The following HPSE2 variants were observed in gnomAD, a reference collection of about 807,000 sequenced individuals.
HPSE2 encodes inactive heparanase-2.
A neutral mutation model predicts 60.5 loss-of-function variants in HPSE2; 38 were observed. That is an observed-to-expected ratio of 0.63 (90% CI 0.48 to 0.82). The LOEUF (loss-of-function observed/expected upper bound fraction) is 0.82. Among genes scored for constraint, HPSE2 ranks in the 40% least tolerant of loss-of-function variants. The pLI is 0.00. For missense variants in HPSE2, 713 were observed against 740.4 expected (o/e 0.96, Z 0.43); for synonymous variants, 295 against 293.2 (o/e 1.01, Z -0.06).
At chr10:99,092,931 T>C (rs1001865642) in intron 3 of HPSE2, among the ~76,000 whole-genome samples, 1 of 152,168 alleles carries the variant, frequency 6.6e-6, no homozygotes, top group Non-Finnish European at 1.5e-5. Flanking sequence ...ATAAGGACAT[T>C]TCTTATAAAG....
chr10:99,231,804 G>C (rs1849653797), intron 2 of HPSE2, among the ~76,000 whole-genome samples: 1 of 152,134 alleles, frequency 6.6e-6, no homozygotes, highest in Admixed American at 6.5e-5. Flanking sequence ...GATTATTCCA[G>C]AAAACTTTAG....
chr10:98,492,488 C>T lies in HPSE2; in HGVS notation c.1321-2292G>A, dbSNP rs1941686442. Reference sequence around the variant, plus strand: ...CTGCACTCCAGCCTGGGCAACAGAACGAGATTCCGTCTCAAAAAAGACAAA... The same window carrying T: ...CTGCACTCCAGCCTGGGCAACAGAATGAGATTCCGTCTCAAAAAAGACAAA... On this transcript the variant is annotated intron_variant, in intron 9 of 11. Coordinates refer to ENST00000370552, the MANE Select transcript of HPSE2 (RefSeq NM_021828.5). 4.0e-5 allele frequency among the ~76,000 whole-genome samples: 5 copies of T among 124,748 alleles called. No homozygotes were observed. In the South Asian group the frequency reaches 7.4e-4, roughly 18 times the overall value. 81.8% of individuals were successfully genotyped at this position (124,748 alleles called of 152,430 possible). A position where few individuals can be genotyped will look rare whatever the true frequency, so the allele number is the denominator to read the frequency against.
chr10:99,055,009 G>A (rs1001156832), intron 3 of HPSE2, among the ~76,000 whole-genome samples: 2 of 151,944 alleles, frequency 1.3e-5, no homozygotes, highest in African/African-American at 4.8e-5. Flanking sequence ...ACTGTGCCCG[G>A]CCTACTCTAC....
intron 6 of HPSE2, among the ~76,000 whole-genome samples, chr10:98,670,542 CATATTGTTTT>C (rs1452297445): frequency 6.6e-6 from 1 of 152,162 alleles, no homozygotes; most frequent in Non-Finnish European, 1.5e-5. Flanking sequence ...GAGACCCTCT[CATATTGTTTT>C]ATATTGTTTT....
chr10:99,101,196 A>G, intron 3 of HPSE2, among the ~76,000 whole-genome samples: 1 of 152,210 alleles, frequency 6.6e-6, no homozygotes, highest in Non-Finnish European at 1.5e-5. Context: ...AGACTGGCAA[A>G]CTGTATAAAG....
intron 2 of HPSE2, among the ~76,000 whole-genome samples, chr10:99,196,337 C>A (rs1436036105): frequency 6.6e-6 from 1 of 151,822 alleles, no homozygotes; most frequent in Non-Finnish European, 1.5e-5. Flanking sequence ...CACAGGTAAC[C>A]AAAGTGAAAA....
chr10:99,057,907 T>C (rs1958150573), intron 3 of HPSE2, among the ~76,000 whole-genome samples: 1 of 22,922 alleles, frequency 4.4e-5, no homozygotes, highest in Admixed American at 6.7e-4. Context: ...GAACGCTGAA[T>C]CTTATGGGTT....
chr10:99,011,878 A>G (rs1284123864), intron 3 of HPSE2, among the ~76,000 whole-genome samples: 1 of 152,062 alleles, frequency 6.6e-6, no homozygotes, highest in Non-Finnish European at 1.5e-5. Context: ...AAGCATTCAA[A>G]AATGCTTGCA....
At chr10:98,898,813 G>A (rs1953574263) in intron 3 of HPSE2, among the ~76,000 whole-genome samples, 1 of 152,130 alleles carries the variant, frequency 6.6e-6, no homozygotes, top group African/African-American at 2.4e-5. Context: ...TAGACACATG[G>A]AAAACAATAG....
the HPSE2 span, among the ~76,000 whole-genome samples, chr10:99,255,167 T>A: frequency 1.3e-5 from 2 of 152,130 alleles, no homozygotes; most frequent in Non-Finnish European, 2.9e-5. Flanking sequence ...GGACAGACAT[T>A]AGAAAAGTTA....
intron 3 of HPSE2, among the ~76,000 whole-genome samples, chr10:98,789,528 A>C (rs776960726): frequency 6.6e-6 from 1 of 152,230 alleles, no homozygotes; most frequent in African/African-American, 2.4e-5. Flanking sequence ...TGTGAAGTAA[A>C]TGCTGCCTGT....
chr10:98,997,632 T>C (rs977718168), intron 3 of HPSE2, among the ~76,000 whole-genome samples: 2 of 152,228 alleles, frequency 1.3e-5, no homozygotes, highest in African/African-American at 4.8e-5. Flanking sequence ...TTTAAGAATA[T>C]ACAAATAGCC....
the HPSE2 span, among the ~76,000 whole-genome samples, chr10:99,272,649 G>T: frequency 6.9e-6 from 1 of 145,680 alleles, no homozygotes; most frequent in African/African-American, 2.7e-5. Context: ...ATAGACAAAT[G>T]TTCAACAAAC....
At chr10:99,014,517 T>C (rs1833209089) in intron 3 of HPSE2, among the ~76,000 whole-genome samples, 2 of 152,214 alleles carry the variant, frequency 1.3e-5, no homozygotes. Context: ...TTTAGGTCTC[T>C]GAGGAATCGC....
chr10:99,073,838 C>T (rs1842875115), intron 3 of HPSE2, among the ~76,000 whole-genome samples: 1 of 151,010 alleles, frequency 6.6e-6, no homozygotes, highest in African/African-American at 2.4e-5. Context: ...TTCTTAATAC[C>T]TTTTTGGATA....
chr10:99,043,468 G>A (rs1957788240), intron 3 of HPSE2, among the ~76,000 whole-genome samples: 2 of 152,132 alleles, frequency 1.3e-5, no homozygotes, highest in Admixed American at 6.5e-5. Context: ...TCCAGCCTGG[G>A]CGACAGAGTG....
chr10:98,537,850 G>A (rs975195985), intron 9 of HPSE2, among the ~76,000 whole-genome samples: 1 of 152,258 alleles, frequency 6.6e-6, no homozygotes, highest in Admixed American at 6.5e-5. Context: ...CTGTGCTTCA[G>A]TGGTCACGCT....
At chr10:98,856,876 C>A (rs577186618) in intron 3 of HPSE2, among the ~76,000 whole-genome samples, 1 of 152,156 alleles carries the variant, frequency 6.6e-6, no homozygotes, top group Admixed American at 6.6e-5. Flanking sequence ...ATTATTCCCA[C>A]ATGAGAATCC....
intron 11 of HPSE2, 146 bp downstream of exon 11, chr10:98,482,490 C>A: frequency 1.1e-6 from 1 of 900,606 alleles, no homozygotes; most frequent in Admixed American, 1.8e-5. Flanking sequence ...AAGGAGTCAG[C>A]AGTCACCTGA....
Sources: allele counts gnomAD v4.1 joint callset (sites outside exome capture counted in the v4.1 genomes callset), GRCh38; gene constraint gnomAD v4.1.1; transcripts MANE v1.5; gene names NCBI Gene and HGNC (gene_info 2026-07-23, HGNC 2026-07-21).